Variants in RAPGEF1 observed in about 807,000 individuals in gnomAD.
RAPGEF1 encodes the protein Rap guanine nucleotide exchange factor 1.
Under a neutral mutation model 143.3 loss-of-function variants are expected in RAPGEF1, and 33 were observed. The observed-to-expected ratio is 0.23, with a 90% confidence interval of 0.17 to 0.31. The LOEUF (loss-of-function observed/expected upper bound fraction) is 0.31, where lower values mean the gene tolerates loss of function less well. Ranked by LOEUF, RAPGEF1 falls within the 10% of genes least tolerant of loss-of-function variation. RAPGEF1 has a pLI of 1.00. For missense variants in RAPGEF1, 1,199 were observed against 1,645.4 expected, an observed-to-expected ratio of 0.73 and a Z score of 4.69; for synonymous variants, 629 against 676.5, an observed-to-expected ratio of 0.93 and a Z score of 1.09.
chr9:131,604,900 G>A, intron 13 of RAPGEF1, 31 bp downstream of exon 13: 3 of 1,284,182 alleles, frequency 2.3e-6, no homozygotes, highest in Non-Finnish European at 3.1e-6. Flanking sequence ...GTGTGTGTGT[G>A]TGTGTGTGTG....
At chr9:131,632,294 A>AT (rs1965125770) in intron 5 of RAPGEF1, among the ~76,000 whole-genome samples, 1 of 112,074 alleles carries the variant, frequency 8.9e-6, no homozygotes, top group Non-Finnish European at 1.7e-5. Context: ...GCACCCGGCT[A>AT]ATTTTTTTTT....
chr9:131,657,682 G>A (rs1222651880), intron 1 of RAPGEF1, among the ~76,000 whole-genome samples: 2 of 152,100 alleles, frequency 1.3e-5, no homozygotes, highest in African/African-American at 2.4e-5. Context: ...AGTTAACTGT[G>A]TAAACAGCCC....
chr9:131,656,141 A>C (rs4740176), intron 1 of RAPGEF1, among the ~76,000 whole-genome samples: 152,316 of 152,336 alleles, frequency 1, 76,148 homozygotes, highest in Non-Finnish European at 1. Flanking sequence ...CAAGGTCGAT[A>C]GATACCGAAT....
chr9:131,666,403 G>A (rs922032787), intron 1 of RAPGEF1, among the ~76,000 whole-genome samples: 3 of 150,042 alleles, frequency 2.0e-5, no homozygotes, highest in African/African-American at 7.4e-5. Context: ...TTTTTTTTGA[G>A]ACAGAGTCTC....
chr9:131,593,060 G>C (rs891754028), intron 17 of RAPGEF1, among the ~76,000 whole-genome samples: 10 of 152,230 alleles, frequency 6.6e-5, no homozygotes, highest in African/African-American at 2.4e-4. Context: ...TTAGATGGTA[G>C]GGTCCAATCA....
intron 1 of RAPGEF1, among the ~76,000 whole-genome samples, chr9:131,722,407 T>C (rs2131286478): frequency 6.6e-6 from 1 of 152,320 alleles, no homozygotes; most frequent in East Asian, 1.9e-4. Flanking sequence ...GCCATCTGTG[T>C]TGTCAACTCA....
chr9:131,714,544 A>T (rs1835725715), intron 1 of RAPGEF1, among the ~76,000 whole-genome samples: 1 of 152,072 alleles, frequency 6.6e-6, no homozygotes, highest in South Asian at 2.1e-4. Context: ...CAACAATACG[A>T]GGAAGCGCCA....
intron 1 of RAPGEF1, among the ~76,000 whole-genome samples, chr9:131,729,451 G>A (rs1243738744): frequency 4.6e-5 from 7 of 152,262 alleles, no homozygotes; most frequent in Non-Finnish European, 8.8e-5. Flanking sequence ...AATATTTTCA[G>A]CAAATGTACT....
At chr9:131,581,099 G>A (rs1438975975) in intron 25 of RAPGEF1, among the ~76,000 whole-genome samples, 3 of 151,856 alleles carry the variant, frequency 2.0e-5, no homozygotes, top group Non-Finnish European at 4.4e-5. Flanking sequence ...CCAAGATTGC[G>A]CCACTGCCTG....
chr9:131,601,990 C>G (rs1956342682), intron 15 of RAPGEF1, 71 bp downstream of exon 15: 1 of 1,059,654 alleles, frequency 9.4e-7, no homozygotes, highest in Non-Finnish European at 1.3e-6. Flanking sequence ...CTGGGAGAGG[C>G]TGCTCAGGCA....
chr9:131,661,087 GCTGA>G (rs936832732), intron 1 of RAPGEF1, among the ~76,000 whole-genome samples: 1 of 152,214 alleles, frequency 6.6e-6, no homozygotes, highest in Non-Finnish European at 1.5e-5. Flanking sequence ...TCTCTACCCT[GCTGA>G]CTGACAGCCA....
intron 1 of RAPGEF1, among the ~76,000 whole-genome samples, chr9:131,661,538 A>G (rs1193101559): frequency 6.6e-6 from 1 of 152,074 alleles, no homozygotes; most frequent in Non-Finnish European, 1.5e-5. Flanking sequence ...ACTTGCGAAA[A>G]TCCTGCAAGC....
chr9:131,721,255 C>T (rs1016365720), intron 1 of RAPGEF1, among the ~76,000 whole-genome samples: 3 of 152,250 alleles, frequency 2.0e-5, no homozygotes, highest in East Asian at 3.9e-4. Context: ...CAGGACATTT[C>T]GAAGGGGGTA....
At chr9:131,690,309 G>A (rs573286129) in intron 1 of RAPGEF1, among the ~76,000 whole-genome samples, 83 of 152,266 alleles carry the variant, frequency 5.5e-4, no homozygotes, top group Non-Finnish European at 9.1e-4. Flanking sequence ...GTAGAGTGAC[G>A]GTTCTTCCAA....
At chr9:131,638,208 C>T (rs1966840988) in intron 5 of RAPGEF1, among the ~76,000 whole-genome samples, 2 of 152,204 alleles carry the variant, frequency 1.3e-5, no homozygotes, top group Non-Finnish European at 2.9e-5. Context: ...CAAGTAAATA[C>T]AGAAAGTTCC....
intron 1 of RAPGEF1, among the ~76,000 whole-genome samples, chr9:131,665,876 T>G (rs1311515550): frequency 1.3e-5 from 2 of 152,210 alleles, no homozygotes; most frequent in Non-Finnish European, 2.9e-5. Context: ...CTATCTACCT[T>G]ACTGTCTTCT....
Position 131,667,330 on chromosome 9 carries a change from G to A in RAPGEF1, c.62-16381C>T, listed in dbSNP as rs776529147. 3.0e-4 allele frequency among the ~76,000 whole-genome samples: 45 copies of A among 151,922 alleles called. No individual in the cohort carries two copies. Among genetic ancestry groups the A allele is most frequent in the Non-Finnish European group, 6.2e-4 (42 of 67,980 alleles). ...ACCACTCAACAGATGAGGAGACCGA[G>A]TCACAGGCGGCTTCCTGCTCGCCTT... On this transcript the variant is annotated intron_variant, in intron 1 of 26. Coordinates refer to ENST00000683357, the MANE Select transcript of RAPGEF1 (RefSeq NM_001377935.1). This position sits in a 1 kb window ranked among gnomAD's most constrained non-coding sequence, Gnocchi z 4.6.
At chr9:131,654,529 G>C (rs1437552462) in intron 1 of RAPGEF1, among the ~76,000 whole-genome samples, 1 of 152,136 alleles carries the variant, frequency 6.6e-6, no homozygotes, top group Non-Finnish European at 1.5e-5. Flanking sequence ...AACAGAGTGA[G>C]ACTTTGTCTC....
intron 1 of RAPGEF1, among the ~76,000 whole-genome samples, chr9:131,691,772 A>G (rs1247516400): frequency 6.6e-6 from 1 of 152,216 alleles, no homozygotes; most frequent in Non-Finnish European, 1.5e-5. Flanking sequence ...AGCAGAACAA[A>G]AATTAATTAC....
Sources: gnomAD v4.1 joint callset for allele counts (sites outside exome capture counted in the v4.1 genomes callset) on GRCh38, gnomAD v4.1.1 for gene constraint, Gnocchi (gnomAD v3.1) non-coding constraint, MANE v1.5 for transcripts, NCBI Gene and HGNC (gene_info 2026-07-23, HGNC 2026-07-21) for gene names.